BABAM2: variants seen among roughly 807,000 people sequenced by gnomAD.
BABAM2 encodes the protein BRISC and BRCA1-A complex member 2.
Under a neutral mutation model 54.7 loss-of-function variants are expected in BABAM2, and 31 were observed. The ratio of observed to expected loss-of-function variants is 0.57; its 90% CI spans 0.43 to 0.77. The LOEUF (loss-of-function observed/expected upper bound fraction) is 0.77, where lower values mean the gene tolerates loss of function less well. Ranked by LOEUF, BABAM2 falls within the 30% of genes least tolerant of loss-of-function variation. The probability of loss-of-function intolerance (pLI) is 0.00; values close to 1 mark genes in which losing one functional copy is unlikely to be tolerated. For missense variants in BABAM2, 364 were observed against 455.8 expected (o/e 0.80, Z 1.83); for synonymous variants, 167 against 162.9 (o/e 1.03, Z -0.19).
At chr2:28,190,489 C>A (rs1676777527) in intron 7 of BABAM2, among the ~76,000 whole-genome samples, 1 of 152,122 alleles carries the variant, frequency 6.6e-6, no homozygotes, top group Admixed American at 6.5e-5. Flanking sequence ...GAGTTCGAGA[C>A]CAGCCTGACC....
At chr2:27,904,590 G>T (rs1456175327) in intron 2 of BABAM2, among the ~76,000 whole-genome samples, 1 of 152,080 alleles carries the variant, frequency 6.6e-6, no homozygotes, top group Non-Finnish European at 1.5e-5. Context: ...GGAATCATCA[G>T]TCTGAGGAAA....
intron 5 of BABAM2, among the ~76,000 whole-genome samples, chr2:28,035,120 T>G (rs1339604092): frequency 6.6e-6 from 1 of 152,198 alleles, no homozygotes; most frequent in Non-Finnish European, 1.5e-5. Context: ...GAAATGCTAA[T>G]ATTTTAGATA....
chr2:28,263,153 AAAGAAAG>A (rs1558483230), intron 10 of BABAM2, among the ~76,000 whole-genome samples: 1 of 149,462 alleles, frequency 6.7e-6, no homozygotes, highest in Non-Finnish European at 1.5e-5. Flanking sequence ...AAAAAGAAGA[AAAGAAAG>A]GAAGGAGAGG....
At chr2:27,998,444 C>T (rs1188645395) in intron 4 of BABAM2, among the ~76,000 whole-genome samples, 3 of 151,970 alleles carry the variant, frequency 2.0e-5, no homozygotes, top group South Asian at 2.1e-4. Flanking sequence ...GCCTATGCCA[C>T]ATGGACATAC....
In BABAM2 at chr2:27,995,649, G is replaced by A. The variant is rs1231752405; in HGVS notation, c.300+7562G>A. Among the ~76,000 whole-genome samples, 3 of 151,874 alleles carry A rather than the reference G, an allele frequency of 2.0e-5. No individual in the cohort carries two copies. Among genetic ancestry groups the A allele is most frequent in the Non-Finnish European group, 4.4e-5 (3 of 67,986 alleles). On this transcript the variant is annotated intron_variant, in intron 4 of 11. Transcript: ENST00000379624. This position sits in a 1 kb window ranked among gnomAD's most constrained non-coding sequence, Gnocchi z 4.1. ...GGCTAGAGTGGAGTGGCTCAATCTC[G>A]GCTCACTGCAAGCTCCGCCTCCCGG...
At chr2:28,012,503 A>G (rs1005519955) in intron 4 of BABAM2, among the ~76,000 whole-genome samples, 40 of 152,206 alleles carry the variant, frequency 2.6e-4, no homozygotes, top group African/African-American at 9.7e-4. Context: ...CCACTGGTTT[A>G]AAACTTGAGC....
intron 4 of BABAM2, among the ~76,000 whole-genome samples, chr2:28,019,040 C>A (rs1424472520): frequency 6.6e-6 from 1 of 152,008 alleles, no homozygotes; most frequent in Non-Finnish European, 1.5e-5. Flanking sequence ...GTGAAGTTCC[C>A]CTCCCTGTGT....
intron 6 of BABAM2, among the ~76,000 whole-genome samples, chr2:28,082,641 T>G (rs913711036): frequency 6.6e-6 from 1 of 152,206 alleles, no homozygotes; most frequent in Admixed American, 6.5e-5. Context: ...GTTAAGGAAT[T>G]GGATGGTTGC....
chr2:28,254,244 C>G (rs552473185), intron 10 of BABAM2, among the ~76,000 whole-genome samples: 1 of 152,264 alleles, frequency 6.6e-6, no homozygotes, highest in African/African-American at 2.4e-5. Context: ...TCAAGCAATT[C>G]TCCTGCCCCA....
intron 5 of BABAM2, among the ~76,000 whole-genome samples, chr2:28,026,822 T>TA (rs1675735868): frequency 2.6e-5 from 2 of 77,208 alleles, no homozygotes; most frequent in African/African-American, 1.3e-4. Context: ...AAATATATAT[T>TA]TATATATATA....
intron 3 of BABAM2, among the ~76,000 whole-genome samples, chr2:27,969,126 T>A (rs1558625998): frequency 6.6e-6 from 1 of 151,140 alleles, no homozygotes; most frequent in Non-Finnish European, 1.5e-5. Context: ...TAAGGGGGAG[T>A]TTCCCTGCAC....
Position 28,248,110 on chromosome 2 carries a change from T to C in BABAM2, c.934+3248T>C, listed in dbSNP as rs550594923. Reference sequence around the variant, plus strand: ...CTGGCCATCATCTAAGAATTATTCATAGCAGTTGTATAGGCAATTCCATAT... The same window carrying C: ...CTGGCCATCATCTAAGAATTATTCACAGCAGTTGTATAGGCAATTCCATAT... On this transcript the variant is annotated intron_variant, in intron 10 of 11. Transcript: ENST00000379624. Among the ~76,000 whole-genome samples, 4 of 152,200 alleles carry C rather than the reference T, an allele frequency of 2.6e-5. No homozygotes were observed. The South Asian group carries it at 8.3e-4, about 32-fold the overall frequency.
chr2:27,942,643 C>T (rs563673815), intron 3 of BABAM2, among the ~76,000 whole-genome samples: 1 of 151,802 alleles, frequency 6.6e-6, no homozygotes, highest in Non-Finnish European at 1.5e-5. Context: ...GCTGGGATTA[C>T]AGGCATGAGC....
chr2:28,048,621 T>C (rs944053059), intron 6 of BABAM2, among the ~76,000 whole-genome samples: 2 of 152,146 alleles, frequency 1.3e-5, no homozygotes, highest in Non-Finnish European at 2.9e-5. Flanking sequence ...CAGGAAACAG[T>C]CCATACTTAG....
upstream of BABAM2, chr2:27,890,287 A>G (rs1664708208): frequency 6.2e-7 from 1 of 1,613,662 alleles, no homozygotes; most frequent in South Asian, 1.1e-5. The surrounding 1 kb of genome is among the most constrained non-coding windows in gnomAD (Gnocchi z 4.8). Context: ...GGAGCCCACC[A>G]CTACCACCGC....
intron 4 of BABAM2, among the ~76,000 whole-genome samples, chr2:27,998,315 AATT>A (rs758995331): frequency 2.6e-5 from 4 of 151,440 alleles, no homozygotes; most frequent in African/African-American, 7.3e-5. Flanking sequence ...TATTAATAAT[AATT>A]ATTATTATTA....
intron 3 of BABAM2, among the ~76,000 whole-genome samples, chr2:27,968,998 C>T (rs1048559176): frequency 3.3e-5 from 5 of 152,100 alleles, no homozygotes; most frequent in South Asian, 2.1e-4. Flanking sequence ...CAAATCTCAT[C>T]TTGAATTCCC....
intron 4 of BABAM2, among the ~76,000 whole-genome samples, chr2:27,989,418 T>C (rs968065406): frequency 1.3e-5 from 2 of 151,914 alleles, no homozygotes; most frequent in African/African-American, 4.8e-5. Context: ...GTATTTCAGG[T>C]GGGGGAATGA....
chr2:28,109,618 ATACCAT>A lies in BABAM2; in HGVS notation c.571-19650_571-19645del, dbSNP rs1273240386. Among the ~76,000 whole-genome samples the A allele has an allele frequency of 3.9e-5, 6 of 152,142 alleles. 1 individual carries two copies. The highest frequency in any genetic ancestry group is 7.2e-5 in the African/African-American group (3 of 41,404). On this transcript the variant is annotated intron_variant, in intron 6 of 11. Coordinates refer to ENST00000379624, the MANE Select transcript of BABAM2 (RefSeq NM_199191.3). ...TTTTCTTTACTCCTGATCCCTGGTT[ATACCAT>A]TATACCAATGGCACAGCTTCACTGA...
Sources: gnomAD v4.1 joint callset for allele counts (sites outside exome capture counted in the v4.1 genomes callset) on GRCh38, gnomAD v4.1.1 for gene constraint, Gnocchi (gnomAD v3.1) non-coding constraint, MANE v1.5 for transcripts, NCBI Gene and HGNC (gene_info 2026-07-23, HGNC 2026-07-21) for gene names.